Variants in GGNBP2 observed in about 807,000 individuals in gnomAD.
GGNBP2 encodes the protein gametogenetin-binding protein 2.
A neutral mutation model predicts 85.9 loss-of-function variants in GGNBP2; 10 were observed. That is an observed-to-expected ratio of 0.12 (90% confidence interval 0.07 to 0.20). GGNBP2 has a LOEUF of 0.20. Ranked by LOEUF, GGNBP2 falls within the 10% of genes least tolerant of loss-of-function variation. The probability of loss-of-function intolerance (pLI) is 1.00; values close to 1 mark genes in which losing one functional copy is unlikely to be tolerated. For missense variants in GGNBP2, 595 were observed against 857.8 expected (o/e 0.69, Z 3.83); for synonymous variants, 287 against 285.7 (o/e 1.00, Z -0.05).
At chr17:36,586,882 A>G (rs923875855) in intron 12 of GGNBP2, 115 bp from the exon 13 acceptor site, 2 of 1,053,328 alleles carry the variant, frequency 1.9e-6, no homozygotes, top group African/African-American at 3.3e-5. Flanking sequence ...GCCTCCCAAA[A>G]TGTTGAGATT....
chr17:36,555,484 A>G (rs778032094), intron 3 of GGNBP2, among the ~76,000 whole-genome samples: 8 of 152,240 alleles, frequency 5.3e-5, no homozygotes, highest in Non-Finnish European at 1.2e-4. Flanking sequence ...GCTTGAGTTC[A>G]GTAGTTGGAG....
chr17:36,548,769 A>T (rs2074280264), intron 2 of GGNBP2, among the ~76,000 whole-genome samples: 1 of 151,658 alleles, frequency 6.6e-6, no homozygotes, highest in Admixed American at 6.6e-5. Flanking sequence ...TGTGGTAAAA[A>T]CCTGTCTCTA....
chr17:36,555,151 A>G (rs576131318), intron 3 of GGNBP2, among the ~76,000 whole-genome samples: 46 of 152,314 alleles, frequency 3.0e-4, no homozygotes, highest in African/African-American at 1.1e-3. Context: ...AAACCAGGCC[A>G]TCTTTCCTAG....
chr17:36,568,833 G>GTT (rs2074494506), intron 6 of GGNBP2, among the ~76,000 whole-genome samples: 1 of 151,250 alleles, frequency 6.6e-6, no homozygotes, highest in Non-Finnish European at 1.5e-5. Context: ...TCGGCTCACT[G>GTT]TAACTGCTGA....
chr17:36,550,189 C>T (rs111469857), intron 2 of GGNBP2, among the ~76,000 whole-genome samples: 2 of 152,184 alleles, frequency 1.3e-5, no homozygotes, highest in Non-Finnish European at 2.9e-5. Flanking sequence ...CTGCCTGCCT[C>T]GGCCTCCCAA....
chr17:36,584,997 T>G (rs750479205), intron 9 of GGNBP2, among the ~76,000 whole-genome samples: 1 of 152,032 alleles, frequency 6.6e-6, no homozygotes, highest in African/African-American at 2.4e-5. Flanking sequence ...GTGGTTGATA[T>G]CTGATACAAT....
intron 6 of GGNBP2, among the ~76,000 whole-genome samples, chr17:36,570,710 A>C (rs2074515152): frequency 6.6e-6 from 1 of 151,852 alleles, no homozygotes; most frequent in South Asian, 2.1e-4. Context: ...TTCCCAAAAA[A>C]ACAACAACAA....
rs571631394 is a variant in GGNBP2, at chr17:36,565,459, T to A, written c.528-2204T>A. 3.9e-3 allele frequency among the ~76,000 whole-genome samples: 593 copies of A among 150,344 alleles called. 4 individuals are homozygous for A. The highest frequency in any genetic ancestry group is 0.014 in the South Asian group (67 of 4,758). On this transcript the variant is annotated intron_variant, in intron 5 of 13. Transcript: ENST00000613102. The stretch of plus-strand genomic sequence containing the variant: ...AGATTTTTTTTATAGAGCTTTTTTT[T>A]AAAAAAAAAATGCCTTCACATTCTA...
intron 5 of GGNBP2, among the ~76,000 whole-genome samples, chr17:36,563,267 GAAATAAAT>G (rs746688178): frequency 1.3e-5 from 2 of 151,606 alleles, no homozygotes; most frequent in East Asian, 1.9e-4. Context: ...ACTTTGTCTC[GAAATAAAT>G]AAATAAATAA....
chr17:36,578,087 G>A lies in GGNBP2; in HGVS notation c.746G>A (p.Gly249Asp). ...GGCTACTGTGCTGCACTTTATGAAG[G>A]CTTGCGGTGCTGTCCACATGAACGA... Reference protein sequence around the residue: ...EKGYCAALYEGLRCCPHERHI... With the variant: ...EKGYCAALYEDLRCCPHERHI... The change falls in exon 7 of 14, where the codon GGC (glycine) becomes GAC (aspartate). Residue 249 changes from glycine to aspartate, a missense_variant. Gly to Asp is a moderately conservative substitution (Grantham distance 94, BLOSUM62 -1). Transcript: ENST00000613102. 6.2e-7 allele frequency: 1 copy of A among 1,614,118 alleles called. No homozygotes were observed. The highest frequency in any genetic ancestry group is 8.5e-7 in the Non-Finnish European group (1 of 1,180,006).
intron 6 of GGNBP2, chr17:36,576,593 A>ATGTGTGTGTGTGTGTGTGTGTGTG (rs1401978308): frequency 2.2e-5 from 1 of 46,038 alleles, no homozygotes; most frequent in African/African-American, 9.3e-5. Flanking sequence ...AAATATATAT[A>ATGTGTGTGTGTGTGTGTGTGTGTG]TATGTGTGTG....
chr17:36,559,296 C>CAAAAA (rs892895973), intron 4 of GGNBP2, among the ~76,000 whole-genome samples: 17 of 31,404 alleles, frequency 5.4e-4, no homozygotes, highest in Admixed American at 6.3e-4. Flanking sequence ...GACTCTGTCT[C>CAAAAA]AAAAAAAAAA....
chr17:36,581,144 G>A (rs1336546394), intron 8 of GGNBP2, among the ~76,000 whole-genome samples, 200 bp from the exon 9 acceptor site: 1 of 151,990 alleles, frequency 6.6e-6, no homozygotes, highest in Non-Finnish European at 1.5e-5. Context: ...AATTAGCCGG[G>A]CGTGGTGGCG....
intron 6 of GGNBP2, among the ~76,000 whole-genome samples, chr17:36,571,410 C>T (rs550429776): frequency 3.4e-4 from 51 of 152,174 alleles, no homozygotes; most frequent in African/African-American, 1.1e-3. Flanking sequence ...ATTAGCCGGG[C>T]TTGGTGGCGT....
intron 9 of GGNBP2, among the ~76,000 whole-genome samples, chr17:36,584,957 A>G (rs2074686074): frequency 6.6e-6 from 1 of 151,958 alleles, no homozygotes; most frequent in African/African-American, 2.4e-5. Flanking sequence ...GTACTCAAAA[A>G]AAAAAAAAAA....
chr17:36,587,627 G>T (rs575649385), intron 13 of GGNBP2: 26 of 205,812 alleles, frequency 1.3e-4, no homozygotes, highest in African/African-American at 5.7e-4. Context: ...AGTGGCTCAT[G>T]CTTGTAATCC....
chr17:36,554,841 A>G lies in GGNBP2; in HGVS notation c.115A>G (p.Asn39Asp). The G allele has an allele frequency of 6.2e-7, 1 of 1,606,944 alleles. No individual in the cohort carries two copies. Among genetic ancestry groups the G allele is most frequent in the Non-Finnish European group, 8.5e-7 (1 of 1,173,444 alleles). ...TLTMVMEFPD[N>D]VLNLDGHQNN... ...TAAGATGGTGATGGAATTTCCTGAT[A>G]ATGTGTTAAATCTCGATGGACATCA... Residue 39 changes from asparagine to aspartate, a missense_variant, in exon 3 of 14, where the codon AAT becomes GAT. By Grantham distance (23) the Asn-to-Asp change is conservative. This residue lies in a region of GGNBP2 where 216 missense variants were observed against 293.4 expected (regional missense o/e 0.74). Coordinates refer to ENST00000613102, the MANE Select transcript of GGNBP2 (RefSeq NM_024835.5).
chr17:36,586,644 A>C, intron 12 of GGNBP2: 2 of 251,654 alleles, frequency 7.9e-6, no homozygotes, highest in South Asian at 1.2e-4. Context: ...TTTGAGATGG[A>C]GTCTCACTCT....
At chr17:36,562,371 G>A (rs1310948014) in intron 5 of GGNBP2, among the ~76,000 whole-genome samples, 3 of 151,888 alleles carry the variant, frequency 2.0e-5, no homozygotes, top group African/African-American at 7.3e-5. Flanking sequence ...GTTTCGCCAT[G>A]TTGCCCAGGC....
Sources: gnomAD v4.1 joint callset for allele counts (sites outside exome capture counted in the v4.1 genomes callset) on GRCh38, gnomAD v4.1.1 for gene constraint, gnomAD v4.1.1 regional missense constraint, MANE v1.5 for transcripts, NCBI Gene and HGNC (gene_info 2026-07-23, HGNC 2026-07-21) for gene names.